The following MID1 variants were observed in gnomAD, a reference collection of about 807,000 sequenced individuals.
The protein encoded by MID1 is midline 1.
MID1 carries 7 observed loss-of-function variants against 40.4 expected under a neutral mutation model. The observed-to-expected ratio is 0.17, with a 90% CI of 0.10 to 0.33. The LOEUF (loss-of-function observed/expected upper bound fraction) is 0.33, where lower values mean the gene tolerates loss of function less well. MID1 is among the 10% of genes least tolerant of loss of function. The pLI, the probability that MID1 is intolerant of heterozygous loss-of-function variation, is 1.00. For synonymous variants in MID1, 229 were observed against 221.2 expected (o/e 1.04, Z -0.31); for missense variants, 367 against 558.5 (o/e 0.66, Z 3.46).
chrX:10,638,467 C>T (rs145101635), intron 1 of MID1, among the ~76,000 whole-genome samples: 1,270 of 111,876 alleles, frequency 0.011, 25 homozygotes, highest in African/African-American at 0.039. Context: ...GAGGGGCGTC[C>T]GCCATTGCTG....
At chrX:10,566,562 C>T (rs867255734) in intron 2 of MID1, among the ~76,000 whole-genome samples, 8 of 86,665 alleles carry the variant, frequency 9.2e-5, no homozygotes, top group Middle Eastern at 6.2e-3. Context: ...TCTCTCTCTC[C>T]CTCTCTCTCA....
intron 4 of MID1, among the ~76,000 whole-genome samples, chrX:10,489,615 C>A: frequency 9.0e-6 from 1 of 111,727 alleles, no homozygotes; most frequent in East Asian, 2.8e-4. Flanking sequence ...ACAAATACCA[C>A]CTTATATTGA....
At chrX:10,826,721 T>C (rs953830556) in intron 1 of MID1, among the ~76,000 whole-genome samples, 4 of 112,108 alleles carry the variant, frequency 3.6e-5, no homozygotes, top group African/African-American at 9.7e-5. Flanking sequence ...CTCCATTTTA[T>C]AGCTTTTATT....
intron 1 of MID1, among the ~76,000 whole-genome samples, chrX:10,699,897 A>T (rs2043184872): frequency 9.3e-6 from 1 of 107,585 alleles, no homozygotes; most frequent in South Asian, 4.2e-4. Context: ...ATCTCGGCTC[A>T]CTGCAACCTC....
At chrX:10,683,622 A>G (rs754392885) in intron 1 of MID1, among the ~76,000 whole-genome samples, 2 of 110,036 alleles carry the variant, frequency 1.8e-5, no homozygotes, top group South Asian at 7.9e-4. Flanking sequence ...ACCTTCTCTC[A>G]TTATTCAATT....
At chrX:10,753,017 T>A (rs930174630) in intron 1 of MID1, among the ~76,000 whole-genome samples, 4 of 111,817 alleles carry the variant, frequency 3.6e-5, no homozygotes, top group African/African-American at 1.3e-4. Flanking sequence ...CCTGTGGCCC[T>A]GTTTGCTCAA....
At chrX:10,467,158 T>C (rs937381108) in intron 7 of MID1, among the ~76,000 whole-genome samples, 4 of 111,610 alleles carry the variant, frequency 3.6e-5, no homozygotes, top group African/African-American at 9.8e-5. Flanking sequence ...CAAAAAGGAA[T>C]GAGGCAGTTC....
chrX:10,702,306 T>C (rs1300530761), intron 1 of MID1, among the ~76,000 whole-genome samples: 2 of 112,128 alleles, frequency 1.8e-5, no homozygotes, highest in African/African-American at 6.5e-5. Flanking sequence ...CCTAGCTCAC[T>C]GGCCTGAAAA....
chrX:10,458,691 G>A (rs1008676645), intron 8 of MID1, among the ~76,000 whole-genome samples: 1 of 111,716 alleles, frequency 9.0e-6, no homozygotes, highest in African/African-American at 3.3e-5. Context: ...CTTCTCATTC[G>A]TAATTCAGTG....
chrX:10,788,505 C>A (rs2043903802), intron 1 of MID1, among the ~76,000 whole-genome samples: 1 of 110,416 alleles, frequency 9.1e-6, no homozygotes, highest in African/African-American at 3.3e-5. Context: ...TCAGGGAATT[C>A]CAAATCCCTG....
At chrX:10,769,261 A>G (rs2043749667) in intron 1 of MID1, among the ~76,000 whole-genome samples, 3 of 110,740 alleles carry the variant, frequency 2.7e-5, no homozygotes, top group African/African-American at 9.9e-5. Context: ...TCTTTATCCT[A>G]CCGCCTTAAA....
chrX:10,503,434 G>T (rs752537597), intron 3 of MID1, among the ~76,000 whole-genome samples: 1 of 112,260 alleles, frequency 8.9e-6, no homozygotes, highest in Non-Finnish European at 1.9e-5. Context: ...GGCTCCTGAG[G>T]TCTCTGTCTT....
At chrX:10,590,618 AT>A (rs1935272908) in intron 1 of MID1, among the ~76,000 whole-genome samples, 2 of 112,275 alleles carry the variant, frequency 1.8e-5, no homozygotes, top group African/African-American at 6.5e-5. Flanking sequence ...GTAAAAAAAA[AT>A]GTACTCTATA....
intron 2 of MID1, among the ~76,000 whole-genome samples, chrX:10,533,638 A>G (rs1002104688): frequency 4.5e-5 from 5 of 112,005 alleles, no homozygotes; most frequent in African/African-American, 1.3e-4. Context: ...TCCTTCAGGT[A>G]CTCAAAATTC....
At chrX:10,832,556 T>G (rs2044259728) in intron 1 of MID1, among the ~76,000 whole-genome samples, 1 of 112,240 alleles carries the variant, frequency 8.9e-6, no homozygotes, top group Non-Finnish European at 1.9e-5. Context: ...AGTATTCCTT[T>G]GAAAGACGAG....
chrX:10,793,079 G>A (rs2043944219), intron 1 of MID1, among the ~76,000 whole-genome samples: 1 of 112,277 alleles, frequency 8.9e-6, no homozygotes, highest in Non-Finnish European at 1.9e-5. Flanking sequence ...AACTGCAATA[G>A]CTCCATATAC....
intron 4 of MID1, 37 bp downstream of exon 4, chrX:10,495,547 G>A: frequency 9.8e-7 from 1 of 1,023,673 alleles, no homozygotes; most frequent in Middle Eastern, 2.5e-4. Flanking sequence ...TTTTCTCCAG[G>A]TAGAGAATAT....
intron 1 of MID1, among the ~76,000 whole-genome samples, chrX:10,826,969 C>T (rs770648051): frequency 9.0e-6 from 1 of 111,564 alleles, no homozygotes; most frequent in African/African-American, 3.3e-5. Flanking sequence ...TTTCCTTGTC[C>T]CATCTTCATG....
At chrX:10,771,559 T>A (rs989922984) in intron 1 of MID1, among the ~76,000 whole-genome samples, 1 of 108,733 alleles carries the variant, frequency 9.2e-6, no homozygotes, top group Non-Finnish European at 1.9e-5. Context: ...TGGTGCAATC[T>A]CAGCTTACTG....
Sources: gnomAD v4.1 joint callset for allele counts (sites outside exome capture counted in the v4.1 genomes callset) on GRCh38, gnomAD v4.1.1 for gene constraint, MANE v1.5 for transcripts, NCBI Gene and HGNC (gene_info 2026-07-23, HGNC 2026-07-21) for gene names.